Variants in GABRG3 observed in about 807,000 individuals in gnomAD.
The protein encoded by GABRG3 is gamma-aminobutyric acid type A receptor subunit gamma3, also known as gamma-aminobutyric acid receptor subunit gamma-3.
A neutral mutation model predicts 48.8 loss-of-function variants in GABRG3; 25 were observed. The observed-to-expected ratio is 0.51, with a 90% confidence interval of 0.37 to 0.72. The LOEUF is 0.72. Ranked by LOEUF, GABRG3 falls within the 30% of genes least tolerant of loss-of-function variation. The pLI, the probability that GABRG3 is intolerant of heterozygous loss-of-function variation, is 0.00. For synonymous variants in GABRG3, 227 were observed against 217.6 expected, an observed-to-expected ratio of 1.04 and a Z score of -0.38; for missense variants, 394 against 577.9, an observed-to-expected ratio of 0.68 and a Z score of 3.26.
At position 27,458,362 on chromosome 15, in the gene GABRG3, A is replaced by G. The variant is rs1205279422; in HGVS notation, c.575-22288A>G. Among the ~76,000 whole-genome samples, 4 of 152,168 alleles carry G rather than the reference A, an allele frequency of 2.6e-5. No homozygotes were observed. In the East Asian group the frequency reaches 7.7e-4, roughly 29 times the overall value. On this transcript the variant is annotated intron_variant, in intron 5 of 9. Coordinates refer to ENST00000615808, the MANE Select transcript of GABRG3 (RefSeq NM_033223.5). Reference sequence around the variant, plus strand: ...AAATGCAAGGCCATTTAATAATAGTACTTTTTGACTGGTGACGTGCATGTG... The same window carrying G: ...AAATGCAAGGCCATTTAATAATAGTGCTTTTTGACTGGTGACGTGCATGTG...
intron 6 of GABRG3, among the ~76,000 whole-genome samples, chr15:27,492,813 G>T (rs942210432): frequency 3.9e-5 from 6 of 152,202 alleles, no homozygotes; most frequent in African/African-American, 1.4e-4. Context: ...TAACTTGTCT[G>T]CCATCTATGA....
At chr15:27,429,128 G>A (rs1888375919) in intron 5 of GABRG3, among the ~76,000 whole-genome samples, 1 of 152,120 alleles carries the variant, frequency 6.6e-6, no homozygotes, top group African/African-American at 2.4e-5. Flanking sequence ...TTGAAATCTA[G>A]GAGTGAGAAT....
intron 3 of GABRG3, among the ~76,000 whole-genome samples, chr15:27,050,277 G>A (rs1896435380): frequency 6.6e-6 from 1 of 152,178 alleles, no homozygotes; most frequent in Non-Finnish European, 1.5e-5. Context: ...GCTTTGAGCT[G>A]TTTCCTCCTT....
rs909401895 is a variant in GABRG3, at chr15:27,292,440, GA to G, written c.271-34360del. Among the ~76,000 whole-genome samples, 513 of 149,006 alleles carry G rather than the reference GA, an allele frequency of 3.4e-3. 4 individuals are homozygous for G. The highest frequency in any genetic ancestry group is 5.6e-3 in the Non-Finnish European group (374 of 67,288). On this transcript the variant is annotated intron_variant, in intron 3 of 9. Coordinates refer to ENST00000615808, the MANE Select transcript of GABRG3 (RefSeq NM_033223.5). ...ACCTAAAGTATGATAAAAAAAAAAT[GA>G]AAAAAAAATCCTTCCCCTAATTCAG...
chr15:27,220,704 A>C (rs1026945500), intron 3 of GABRG3, among the ~76,000 whole-genome samples: 11 of 152,160 alleles, frequency 7.2e-5, no homozygotes, highest in African/African-American at 2.7e-4. Flanking sequence ...CTGTTGCTTA[A>C]GTTCCTACTG....
intron 3 of GABRG3, among the ~76,000 whole-genome samples, chr15:27,044,309 A>G (rs1896327125): frequency 6.6e-6 from 1 of 152,162 alleles, no homozygotes; most frequent in Admixed American, 6.5e-5. Flanking sequence ...AAAACCAGAC[A>G]TGGTTTCTGA....
intron 5 of GABRG3, among the ~76,000 whole-genome samples, chr15:27,416,269 A>T (rs1887937613): frequency 1.3e-5 from 2 of 152,156 alleles, no homozygotes; most frequent in African/African-American, 4.8e-5. Flanking sequence ...AACTTCATCT[A>T]GTCCTGTGAT....
chr15:27,260,299 G>A (rs76637017), intron 3 of GABRG3, among the ~76,000 whole-genome samples: 25 of 152,050 alleles, frequency 1.6e-4, no homozygotes, highest in African/African-American at 4.6e-4. Flanking sequence ...CTATTTTTTC[G>A]AATGAGGACA....
intron 3 of GABRG3, among the ~76,000 whole-genome samples, chr15:27,181,015 G>A (rs1311370358): frequency 6.6e-6 from 1 of 152,144 alleles, no homozygotes; most frequent in South Asian, 2.1e-4. Context: ...TTCATGAGAT[G>A]GCACAGGGCA....
chr15:27,520,648 T>TTTTTTTTTTTTTTTTTTTTTG (rs1555388880), intron 7 of GABRG3, among the ~76,000 whole-genome samples: 1 of 141,094 alleles, frequency 7.1e-6, no homozygotes, highest in African/African-American at 2.8e-5. Flanking sequence ...AAAATCTTCT[T>TTTTTTTTTTTTTTTTTTTTTG]AATAAAACAC....
chr15:27,146,621 A>G (rs1228928536), intron 3 of GABRG3, among the ~76,000 whole-genome samples: 1 of 152,154 alleles, frequency 6.6e-6, no homozygotes, highest in African/African-American at 2.4e-5. Flanking sequence ...CATAATATAA[A>G]ATGGTTGAGT....
chr15:27,494,959 G>A (rs1257947394), intron 6 of GABRG3, among the ~76,000 whole-genome samples: 7 of 152,204 alleles, frequency 4.6e-5, no homozygotes, highest in African/African-American at 1.4e-4. Flanking sequence ...TTCCTGAAGT[G>A]TACATTTAGT....
At chr15:27,013,700 G>T (rs1051551456) in intron 2 of GABRG3, among the ~76,000 whole-genome samples, 15 of 152,038 alleles carry the variant, frequency 9.9e-5, no homozygotes, top group African/African-American at 3.6e-4. Flanking sequence ...TTAACTATGG[G>T]CTCTCTATTC....
chr15:27,315,260 G>A (rs569118848), intron 3 of GABRG3, among the ~76,000 whole-genome samples: 137 of 152,286 alleles, frequency 9.0e-4, no homozygotes, highest in African/African-American at 3.1e-3. Context: ...AGACCTTTTA[G>A]TGAACTACTT....
At chr15:27,078,685 T>C (rs1896947273) in intron 3 of GABRG3, among the ~76,000 whole-genome samples, 1 of 152,192 alleles carries the variant, frequency 6.6e-6, no homozygotes, top group Non-Finnish European at 1.5e-5. Flanking sequence ...GAGTGTCTTC[T>C]TGATTCCTTT....
intron 5 of GABRG3, among the ~76,000 whole-genome samples, chr15:27,463,719 A>C (rs1566852331): frequency 6.6e-6 from 1 of 152,126 alleles, no homozygotes; most frequent in Non-Finnish European, 1.5e-5. Context: ...CTTCTCCTGG[A>C]GACACGGAGC....
intron 3 of GABRG3, among the ~76,000 whole-genome samples, chr15:27,307,336 C>T (rs1387757703): frequency 1.5e-5 from 2 of 131,140 alleles, no homozygotes; most frequent in African/African-American, 2.9e-5. Context: ...TATATATAAC[C>T]ATAGGTTTAT....
intron 3 of GABRG3, among the ~76,000 whole-genome samples, chr15:27,226,293 C>G (rs1023916672): frequency 1.3e-5 from 2 of 152,144 alleles, no homozygotes; most frequent in African/African-American, 4.8e-5. Flanking sequence ...AAGGGACAGG[C>G]TCGGGTGCTG....
chr15:27,266,672 C>G, intron 3 of GABRG3, among the ~76,000 whole-genome samples: 1 of 152,288 alleles, frequency 6.6e-6, no homozygotes, highest in Middle Eastern at 3.4e-3. Flanking sequence ...ACAGTCTATT[C>G]CTCCATTTAT....
Sources: gnomAD v4.1 joint callset for allele counts (sites outside exome capture counted in the v4.1 genomes callset) on GRCh38, gnomAD v4.1.1 for gene constraint, MANE v1.5 for transcripts, NCBI Gene and HGNC (gene_info 2026-07-23, HGNC 2026-07-21) for gene names.